Variants in GALNT17 observed in about 807,000 individuals in gnomAD.
GALNT17 encodes the protein polypeptide N-acetylgalactosaminyltransferase 17.
A neutral mutation model predicts 63.7 loss-of-function variants in GALNT17; 29 were observed. That is an observed-to-expected ratio of 0.46 (90% CI 0.34 to 0.62). GALNT17 has a LOEUF of 0.62. GALNT17 is among the 20% of genes least tolerant of loss of function. The pLI is 0.01. For synonymous variants in GALNT17, 305 were observed against 318.3 expected (o/e 0.96, Z 0.45); for missense variants, 603 against 799.6 (o/e 0.75, Z 2.97).
intron 5 of GALNT17, among the ~76,000 whole-genome samples, chr7:71,502,767 T>C (rs1788201387): frequency 6.6e-6 from 1 of 152,190 alleles, no homozygotes; most frequent in Non-Finnish European, 1.5e-5. Flanking sequence ...ACAACCATCC[T>C]TACTGAGCTT....
In GALNT17 at chr7:71,708,173, G is replaced by A. The variant is rs114249197; in HGVS notation, c.1501-2588G>A. The stretch of plus-strand genomic sequence containing the variant: ...TCTGATTATTTCCTTCTGATAGAGT[G>A]TATTAGTCCAGTCTTATGCTGTTAA... On this transcript the variant is annotated intron_variant, in intron 9 of 10. Transcript: ENST00000333538. Among the ~76,000 whole-genome samples, 393 of 152,284 alleles carry A rather than the reference G, an allele frequency of 2.6e-3. 3 individuals carry two copies. Among genetic ancestry groups the A allele is most frequent in the African/African-American group, 9.2e-3 (383 of 41,554 alleles).
intron 2 of GALNT17, among the ~76,000 whole-genome samples, chr7:71,385,377 T>G (rs748816121): frequency 1.3e-5 from 2 of 152,192 alleles, no homozygotes; most frequent in Non-Finnish European, 2.9e-5. Context: ...GATCCTCTTC[T>G]GTGCCCCTGC....
chr7:71,371,192 T>C (rs959800879), intron 2 of GALNT17, among the ~76,000 whole-genome samples: 1 of 152,232 alleles, frequency 6.6e-6, no homozygotes, highest in African/African-American at 2.4e-5. Context: ...CTCAGGCTTT[T>C]AGTCAAGCTT....
chr7:71,633,875 A>G (rs939859015), intron 6 of GALNT17, among the ~76,000 whole-genome samples: 6 of 152,208 alleles, frequency 3.9e-5, no homozygotes, highest in African/African-American at 9.6e-5. Context: ...GCTCAGCGAC[A>G]TCAAGCATTG....
At chr7:71,329,958 T>C (rs1430776389) in intron 1 of GALNT17, among the ~76,000 whole-genome samples, 4 of 150,770 alleles carry the variant, frequency 2.7e-5, no homozygotes, top group Admixed American at 2.0e-4. Flanking sequence ...TATGTGTGTG[T>C]GTATATATAT....
chr7:71,667,415 C>T (rs1323824585), intron 7 of GALNT17, among the ~76,000 whole-genome samples: 4 of 151,986 alleles, frequency 2.6e-5, no homozygotes, highest in Non-Finnish European at 5.9e-5. Context: ...TTACTATGTC[C>T]CAGGTACCTA....
At chr7:71,679,665 G>C (rs1353155195) in intron 9 of GALNT17, among the ~76,000 whole-genome samples, 1 of 151,970 alleles carries the variant, frequency 6.6e-6, no homozygotes, top group Non-Finnish European at 1.5e-5. Context: ...AGGGAAGGGA[G>C]TGCTGAGAGA....
At chr7:71,337,924 G>C (rs1438552664) in intron 2 of GALNT17, among the ~76,000 whole-genome samples, 1 of 151,986 alleles carries the variant, frequency 6.6e-6, no homozygotes, top group Non-Finnish European at 1.5e-5. Context: ...GGCTGAGTAT[G>C]GTGGCTCACA....
intron 9 of GALNT17, among the ~76,000 whole-genome samples, chr7:71,698,614 T>C (rs1791579826): frequency 6.6e-6 from 1 of 151,980 alleles, no homozygotes; most frequent in South Asian, 2.1e-4. Context: ...TTTAAATCTG[T>C]AGAGGGGAAC....
At chr7:71,633,747 A>G (rs533160593) in intron 6 of GALNT17, among the ~76,000 whole-genome samples, 6 of 152,232 alleles carry the variant, frequency 3.9e-5, no homozygotes, top group Non-Finnish European at 5.9e-5. Context: ...GAGTCATCTC[A>G]GAGACAAGCC....
intron 9 of GALNT17, among the ~76,000 whole-genome samples, chr7:71,690,267 A>G (rs4719169): frequency 0.77 from 116,484 of 151,694 alleles, 44,898 homozygotes; most frequent in East Asian, 0.86. Flanking sequence ...TTCAAGATCC[A>G]CCCTTCTTGG....
chr7:71,332,062 C>T (rs1410527272), intron 1 of GALNT17, among the ~76,000 whole-genome samples: 2 of 152,172 alleles, frequency 1.3e-5, no homozygotes, highest in East Asian at 3.9e-4. Context: ...AGATGGGCTC[C>T]TTCCTCCATA....
chr7:71,501,456 T>C (rs1261149706), intron 5 of GALNT17, among the ~76,000 whole-genome samples: 1 of 151,900 alleles, frequency 6.6e-6, no homozygotes, highest in Non-Finnish European at 1.5e-5. Flanking sequence ...TGTGTGCAGA[T>C]GGGGTTTTGC....
At chr7:71,167,729 G>A (rs565363134) in intron 1 of GALNT17, among the ~76,000 whole-genome samples, 14 of 152,110 alleles carry the variant, frequency 9.2e-5, no homozygotes, top group South Asian at 8.3e-4. Context: ...TCACTGTGTC[G>A]CTCAGGCTGG....
chr7:71,200,419 A>G (rs1308817827), intron 1 of GALNT17, among the ~76,000 whole-genome samples: 2 of 152,154 alleles, frequency 1.3e-5, no homozygotes, highest in Non-Finnish European at 2.9e-5. Flanking sequence ...GGCATTTACT[A>G]CTAGGTGCAG....
In GALNT17 at chr7:71,132,832, G is replaced by T; in HGVS notation, c.30G>T (p.Leu10=). The part of the protein sequence containing the change: MASLRRVKV[L]LVLNLIAVAG... ...CTTCACTGAGAAGAGTCAAAGTGCT[G>T]TTGGTGTTGAACTTGATCGCGGTAG... Residue 10 remains leucine, a synonymous_variant, in exon 1 of 11, where the codon CTG becomes CTT. Coordinates refer to ENST00000333538, the MANE Select transcript of GALNT17 (RefSeq NM_022479.3). 3.7e-6 allele frequency: 6 copies of T among 1,611,490 alleles called. No homozygotes were observed. Among genetic ancestry groups the T allele is most frequent in the Non-Finnish European group, 5.1e-6 (6 of 1,178,686 alleles).
intron 1 of GALNT17, among the ~76,000 whole-genome samples, chr7:71,278,940 T>A (rs942930294): frequency 1.3e-5 from 2 of 151,506 alleles, no homozygotes; most frequent in Admixed American, 6.6e-5. Context: ...TTTTTTTTTT[T>A]AATTGAGATG....
At chr7:71,604,777 T>C (rs1176500890) in intron 6 of GALNT17, among the ~76,000 whole-genome samples, 1 of 152,244 alleles carries the variant, frequency 6.6e-6, no homozygotes, top group African/African-American at 2.4e-5. Flanking sequence ...CACAGTTGCA[T>C]GTCTCCTCCT....
At chr7:71,632,909 G>A (rs963702892) in intron 6 of GALNT17, among the ~76,000 whole-genome samples, 1 of 151,996 alleles carries the variant, frequency 6.6e-6, no homozygotes, top group African/African-American at 2.4e-5. Context: ...GTCGAGATCA[G>A]CATGGCCAAC....
Sources: gnomAD v4.1 joint callset for allele counts (sites outside exome capture counted in the v4.1 genomes callset) on GRCh38, gnomAD v4.1.1 for gene constraint, MANE v1.5 for transcripts, NCBI Gene and HGNC (gene_info 2026-07-23, HGNC 2026-07-21) for gene names.